ZNF536: variants seen among roughly 807,000 people sequenced by gnomAD.
The protein encoded by ZNF536 is zinc finger protein 536.
A neutral mutation model predicts 84.5 loss-of-function variants in ZNF536; 13 were observed. The observed-to-expected ratio is 0.15, with a 90% CI of 0.10 to 0.24. ZNF536 has a LOEUF of 0.24. ZNF536 is among the 10% of genes least tolerant of loss of function. The pLI is 1.00. For missense variants in ZNF536, 1,536 were observed against 1,747.5 expected, an observed-to-expected ratio of 0.88 and a Z score of 2.16; for synonymous variants, 811 against 742.5, an observed-to-expected ratio of 1.09 and a Z score of -1.50.
At chr19:30,699,526 A>G (rs1438327208) in intron 1 of ZNF536, among the ~76,000 whole-genome samples, 1 of 152,184 alleles carries the variant, frequency 6.6e-6, no homozygotes, top group Non-Finnish European at 1.5e-5. Context: ...ATCTTTGATG[A>G]GATGGATGAA....
Position 30,652,537 on chromosome 19 carries a change from G to T in ZNF536, c.170-58220G>T, listed in dbSNP as rs185846578. 5.3e-3 allele frequency among the ~76,000 whole-genome samples: 808 copies of T among 152,254 alleles called. 9 individuals carry two copies. Among genetic ancestry groups the T allele is most frequent in the African/African-American group, 0.018 (760 of 41,552 alleles). ...GGGAGAGTCACGCAAGTAAAGCTGA[G>T]ATGGCAGCAGGCATTTCCACCGTCA... On this transcript the variant is annotated intron_variant, in intron 1 of 1. Coordinates refer to the ZNF536 transcript ENST00000592773.
At chr19:30,478,960 C>T (rs555427250) in intron 2 of ZNF536, among the ~76,000 whole-genome samples, 50 of 152,256 alleles carry the variant, frequency 3.3e-4, no homozygotes, top group African/African-American at 1.1e-3. Flanking sequence ...CTGGGGACCA[C>T]GGATTCTCTG....
chr19:30,540,752 A>C (rs2045297366), intron 3 of ZNF536, among the ~76,000 whole-genome samples: 1 of 152,202 alleles, frequency 6.6e-6, no homozygotes, highest in South Asian at 2.1e-4. Flanking sequence ...TGTTTTAGGG[A>C]ATTAATGCAA....
rs1276276533 is a variant in ZNF536, at chr19:30,406,623, C to T, written c.-3+34067C>T. Among the ~76,000 whole-genome samples, 13 of 152,304 alleles carry T rather than the reference C, an allele frequency of 8.5e-5. No individual in the cohort carries two copies. In the East Asian group the frequency reaches 2.5e-3, roughly 29 times the overall value. The stretch of plus-strand genomic sequence containing the variant: ...GTCATCTCCCAGCTCTGTTTCTACA[C>T]TGGGAAACTGTACGGCCAGTTTTCC... On this transcript the variant is annotated intron_variant, in intron 1 of 4. Coordinates refer to ENST00000355537, the MANE Select transcript of ZNF536 (RefSeq NM_014717.3).
chr19:30,535,035 G>T (rs763373995), intron 3 of ZNF536, 36 bp downstream of exon 3: 8 of 1,578,110 alleles, frequency 5.1e-6, no homozygotes, highest in Non-Finnish European at 6.0e-6. Flanking sequence ...GCACAGCCCA[G>T]AGAAGGAGGA....
intron 2 of ZNF536, among the ~76,000 whole-genome samples, chr19:30,498,240 A>T (rs1052215051): frequency 1.3e-5 from 2 of 152,236 alleles, no homozygotes; most frequent in Non-Finnish European, 2.9e-5. Flanking sequence ...CATATACAGC[A>T]TGGAATACTA....
chr19:30,399,866 G>A (rs924007660), intron 1 of ZNF536, among the ~76,000 whole-genome samples: 4 of 150,506 alleles, frequency 2.7e-5, no homozygotes, highest in African/African-American at 7.3e-5. Flanking sequence ...TTTTGTATTT[G>A]TGGTAGAGAC....
intron 1 of ZNF536, among the ~76,000 whole-genome samples, chr19:30,424,157 C>G (rs955496893): frequency 2.6e-5 from 4 of 152,218 alleles, no homozygotes; most frequent in Middle Eastern, 3.2e-3. Flanking sequence ...CTCTGTAACT[C>G]TCCACCTGCT....
At chr19:30,272,498 G>A (rs546663746) in intron 1 of ZNF536, among the ~76,000 whole-genome samples, 1 of 152,144 alleles carries the variant, frequency 6.6e-6, no homozygotes, top group African/African-American at 2.4e-5. Flanking sequence ...TTTGACAACT[G>A]TATTATGACT....
intron 2 of ZNF536, among the ~76,000 whole-genome samples, chr19:30,327,386 A>G (rs552064877): frequency 1.2e-3 from 186 of 152,254 alleles, no homozygotes; most frequent in African/African-American, 4.3e-3. Flanking sequence ...CTGAGAATCC[A>G]GGCTCTTCTC....
chr19:30,526,593 G>A (rs933877739), intron 2 of ZNF536, among the ~76,000 whole-genome samples: 1 of 144,612 alleles, frequency 6.9e-6, no homozygotes, highest in Admixed American at 6.9e-5. Flanking sequence ...GCGTAGTGGC[G>A]GGCGCCTGTA....
chr19:30,497,659 C>A (rs1240938565), intron 2 of ZNF536, among the ~76,000 whole-genome samples: 1 of 152,134 alleles, frequency 6.6e-6, no homozygotes, highest in Non-Finnish European at 1.5e-5. Flanking sequence ...CAGGGAAGTC[C>A]CCGGATCCTG....
At chr19:30,595,128 A>G (rs1264045038) in intron 1 of ZNF536, among the ~76,000 whole-genome samples, 3 of 152,304 alleles carry the variant, frequency 2.0e-5, no homozygotes, top group Admixed American at 2.0e-4. Context: ...CAGCCAGGCC[A>G]GAGTAGTTCA....
chr19:30,402,332 A>T (rs1169488736), intron 1 of ZNF536, among the ~76,000 whole-genome samples: 1 of 152,166 alleles, frequency 6.6e-6, no homozygotes, highest in Non-Finnish European at 1.5e-5. Context: ...TGGAGGGGAA[A>T]AAAAAAGAGA....
Position 30,302,265 on chromosome 19 carries a change from C to T in ZNF536, c.-120+18124C>T, listed in dbSNP as rs1360693176. 5.3e-5 allele frequency among the ~76,000 whole-genome samples: 8 copies of T among 152,278 alleles called. 1 individual carries two copies. In the South Asian group the frequency reaches 1.5e-3, roughly 28 times the overall value. On this transcript the variant is annotated intron_variant, in intron 2 of 5. Coordinates refer to the ZNF536 transcript ENST00000585628. ...GTCCTCGGGAGATGGGAGGCTCTGT[C>T]CGTCCTGCGGCAGGGAGGGCTCAAG...
At chr19:30,286,031 C>T (rs977630691) in intron 2 of ZNF536, among the ~76,000 whole-genome samples, 7 of 152,256 alleles carry the variant, frequency 4.6e-5, no homozygotes, top group Admixed American at 1.3e-4. Context: ...GTGAAGACGA[C>T]GCAGGGCATC....
intron 1 of ZNF536, among the ~76,000 whole-genome samples, chr19:30,678,903 T>C (rs1039944662): frequency 2.6e-5 from 4 of 152,100 alleles, no homozygotes; most frequent in African/African-American, 7.2e-5. Context: ...GATAGTTCAC[T>C]CCAGCCTGGG....
At chr19:30,502,322 G>A (rs1288475668) in intron 2 of ZNF536, among the ~76,000 whole-genome samples, 1 of 152,194 alleles carries the variant, frequency 6.6e-6, no homozygotes, top group African/African-American at 2.4e-5. Context: ...CAAGGGTAGG[G>A]CTGGCTGGCA....
chr19:30,236,284 C>T (rs1328005660), intron 1 of ZNF536, among the ~76,000 whole-genome samples: 1 of 152,246 alleles, frequency 6.6e-6, no homozygotes, highest in Non-Finnish European at 1.5e-5. Flanking sequence ...TCTGAAGCCA[C>T]AGCCTGCCTG....
Sources: gnomAD v4.1 joint callset for allele counts (sites outside exome capture counted in the v4.1 genomes callset) on GRCh38, gnomAD v4.1.1 for gene constraint, MANE v1.5 for transcripts, NCBI Gene and HGNC (gene_info 2026-07-23, HGNC 2026-07-21) for gene names.